The following SPESP1 variants were observed in gnomAD, a reference collection of about 807,000 sequenced individuals.
SPESP1 encodes equatorial segment protein.
In SPESP1, 1 loss-of-function variant was observed where a neutral mutation model predicts 3.1. The ratio of observed to expected loss-of-function variants is 0.33; its 90% CI spans 0.12 to 1.54. The LOEUF (loss-of-function observed/expected upper bound fraction) is 1.54. Among genes scored for constraint, SPESP1 ranks in the 40% most tolerant of loss-of-function variants. The pLI is 0.38. For synonymous variants in SPESP1, 138 were observed against 150.7 expected, an observed-to-expected ratio of 0.92 and a Z score of 0.62; for missense variants, 398 against 410.1, an observed-to-expected ratio of 0.97 and a Z score of 0.26.
At chr15:68,933,173 C>T (rs958746004) in intron 1 of SPESP1, among the ~76,000 whole-genome samples, 9 of 152,168 alleles carry the variant, frequency 5.9e-5, no homozygotes, top group Non-Finnish European at 1.2e-4. Context: ...GAGGTTATTA[C>T]GCAAACATCA....
intron 1 of SPESP1, among the ~76,000 whole-genome samples, chr15:68,933,720 G>A (rs1895611697): frequency 6.6e-6 from 1 of 151,886 alleles, no homozygotes; most frequent in African/African-American, 2.4e-5. Context: ...TTAGCCAGAT[G>A]TGGTGGGGCA....
intron 1 of SPESP1, among the ~76,000 whole-genome samples, chr15:68,939,535 C>T (rs772160241): frequency 6.6e-6 from 1 of 152,074 alleles, no homozygotes; most frequent in Non-Finnish European, 1.5e-5. Flanking sequence ...CAAGAGCAGA[C>T]CTGATTAGTA....
At chr15:68,933,853 T>A (rs1288651253) in intron 1 of SPESP1, among the ~76,000 whole-genome samples, 1 of 150,358 alleles carries the variant, frequency 6.7e-6, no homozygotes, top group East Asian at 1.9e-4. Context: ...AGTGAGACCT[T>A]GTCTCAAAAA....
At position 68,946,210 on chromosome 15, in the gene SPESP1, A is replaced by G. The variant is rs774902678; in HGVS notation, c.676A>G (p.Ile226Val). 3 of 1,614,018 alleles carry G rather than the reference A, an allele frequency of 1.9e-6. No individual in the cohort carries two copies. Among genetic ancestry groups the G allele is most frequent in the East Asian group, 2.2e-5 (1 of 44,894 alleles). Reference sequence around the variant, plus strand: ...CCCAGAGAGTTGGAATAATGATGACATTTTGAAAAAAATTTTAGATATTAA... The same window carrying G: ...CCCAGAGAGTTGGAATAATGATGACGTTTTGAAAAAAATTTTAGATATTAA... Reference protein sequence around the residue: ...KHPESWNNDDILKKILDINSQ... With the variant: ...KHPESWNNDDVLKKILDINSQ... The change falls in exon 2 of 2, where the codon ATT (isoleucine) becomes GTT (valine). Residue 226 changes from isoleucine to valine, a missense_variant. Physicochemically the swap from Ile to Val is conservative, Grantham distance 29. Coordinates refer to ENST00000310673, the MANE Select transcript of SPESP1 (RefSeq NM_145658.4).
chr15:68,946,475 T>A lies in SPESP1; in HGVS notation c.941T>A (p.Leu314Ter), dbSNP rs1281017496. 1 of 1,613,606 alleles carries A rather than the reference T, an allele frequency of 6.2e-7. No individual in the cohort carries two copies. Among genetic ancestry groups the A allele is most frequent in the African/African-American group, 1.3e-5 (1 of 74,904 alleles). The change falls in exon 2 of 2, where the codon TTA (leucine) becomes TAA (stop). Residue 314 changes from leucine to a stop codon, truncating the protein, a stop_gained. Transcript: ENST00000310673. LOFTEE classifies it low-confidence loss of function (END_TRUNC). ...TCTAGATCTAAACTCTATGAATATT[T>A]AGATATTAAATGTGTTCCACCAGAG... is the stretch of plus-strand genomic sequence containing the variant. ...CNSRSKLYEY[L>*]DIKCVPPEMR... is the part of the protein sequence containing the mutation.
At chr15:68,934,528 A>G (rs1000683104) in intron 1 of SPESP1, among the ~76,000 whole-genome samples, 7 of 152,152 alleles carry the variant, frequency 4.6e-5, no homozygotes, top group African/African-American at 1.7e-4. Context: ...GATAATGAGG[A>G]GCATGTCATC....
intron 1 of SPESP1, among the ~76,000 whole-genome samples, chr15:68,941,510 C>G (rs970026629): frequency 6.6e-6 from 1 of 152,122 alleles, no homozygotes; most frequent in Non-Finnish European, 1.5e-5. Flanking sequence ...ACGCTCCTTG[C>G]GTCTTCTAGT....
At chr15:68,944,275 T>A (rs2140428351) in intron 1 of SPESP1, among the ~76,000 whole-genome samples, 1 of 151,614 alleles carries the variant, frequency 6.6e-6, no homozygotes, top group African/African-American at 2.4e-5. Flanking sequence ...GCTTTACTGC[T>A]CAGATGCTGC....
intron 1 of SPESP1, among the ~76,000 whole-genome samples, chr15:68,934,845 A>G (rs1428011909): frequency 2.0e-5 from 3 of 152,034 alleles, no homozygotes; most frequent in African/African-American, 7.3e-5. Context: ...GTTTTTTCCG[A>G]GCCTCAAATA....
At chr15:68,940,046 A>G (rs1895778759) in intron 1 of SPESP1, among the ~76,000 whole-genome samples, 1 of 152,180 alleles carries the variant, frequency 6.6e-6, no homozygotes, top group Non-Finnish European at 1.5e-5. Flanking sequence ...ATTACGGAAA[A>G]ATTTAAATAT....
chr15:68,931,311 C>A (rs947481612), intron 1 of SPESP1, among the ~76,000 whole-genome samples: 2 of 150,044 alleles, frequency 1.3e-5, no homozygotes. Context: ...GAAATGTACT[C>A]TTTCATGACT....
intron 1 of SPESP1, among the ~76,000 whole-genome samples, chr15:68,941,122 C>G (rs930671532): frequency 6.6e-6 from 1 of 151,774 alleles, no homozygotes; most frequent in Non-Finnish European, 1.5e-5. Flanking sequence ...CCTGGCTGTT[C>G]TTATTTGTTC....
chr15:68,941,857 A>G (rs1895832932), intron 1 of SPESP1, among the ~76,000 whole-genome samples: 2 of 152,170 alleles, frequency 1.3e-5, no homozygotes, highest in South Asian at 2.1e-4. Flanking sequence ...TTATGTATAT[A>G]TATAATGCCA....
chr15:68,935,624 A>G (rs1036691506), intron 1 of SPESP1, among the ~76,000 whole-genome samples: 1 of 152,252 alleles, frequency 6.6e-6, no homozygotes, highest in Non-Finnish European at 1.5e-5. Flanking sequence ...CCCATATCCA[A>G]TGTCAGAAGA....
At chr15:68,943,831 A>T (rs1895890418) in intron 1 of SPESP1, among the ~76,000 whole-genome samples, 1 of 152,074 alleles carries the variant, frequency 6.6e-6, no homozygotes, top group Admixed American at 6.6e-5. Context: ...TGGCCTCCTT[A>T]AAACTCAAAA....
chr15:68,931,612 G>A (rs1376610143), intron 1 of SPESP1, among the ~76,000 whole-genome samples: 1 of 152,162 alleles, frequency 6.6e-6, no homozygotes, highest in East Asian at 1.9e-4. Flanking sequence ...TTGCGCACAC[G>A]GCATTCAAAG....
At chr15:68,943,076 T>G (rs983756940) in intron 1 of SPESP1, among the ~76,000 whole-genome samples, 33 of 143,656 alleles carry the variant, frequency 2.3e-4, no homozygotes, top group Admixed American at 1.1e-3. Flanking sequence ...AAATGATTGG[T>G]GTGTGTGTGT....
chr15:68,945,358 A>G (rs1328239874), intron 1 of SPESP1, among the ~76,000 whole-genome samples: 1 of 152,168 alleles, frequency 6.6e-6, no homozygotes, highest in African/African-American at 2.4e-5. Flanking sequence ...ATATAGAGAG[A>G]ATGGTGTTAA....
chr15:68,946,327 C>G lies in SPESP1; in HGVS notation c.793C>G (p.Leu265Val), dbSNP rs374041399. Residue 265 changes from leucine (L) to valine (V), a missense_variant, in exon 2 of 2, where the codon CTT becomes GTT. By Grantham distance (32) the Leu-to-Val change is conservative. Coordinates refer to ENST00000310673, the MANE Select transcript of SPESP1 (RefSeq NM_145658.4). ...CTCTAAAGATCACCTAAAACGAAGC[C>G]TTGCTCTAGCAGCAGCAGCAGAACA... ...EASKDHLKRS[L>V]ALAAAAEHKL... 2.0e-5 allele frequency: 33 copies of G among 1,613,994 alleles called. No homozygotes were observed. The African/African-American group carries it at 3.6e-4, about 18-fold the overall frequency.
Sources: allele counts gnomAD v4.1 joint callset (sites outside exome capture counted in the v4.1 genomes callset), GRCh38; gene constraint gnomAD v4.1.1; transcripts MANE v1.5; gene names NCBI Gene and HGNC (gene_info 2026-07-23, HGNC 2026-07-21).